Variants in SAMD4A observed in about 807,000 individuals in gnomAD.
The protein encoded by SAMD4A is protein Smaug homolog 1.
In SAMD4A, 33 loss-of-function variants were observed where a neutral mutation model predicts 81.3. The ratio of observed to expected loss-of-function variants is 0.41; its 90% CI spans 0.31 to 0.54. The LOEUF (loss-of-function observed/expected upper bound fraction) is 0.54, where lower values mean the gene tolerates loss of function less well. Ranked by LOEUF, SAMD4A falls within the 20% of genes least tolerant of loss-of-function variation. The probability of loss-of-function intolerance (pLI) is 0.37; values close to 1 mark genes in which losing one functional copy is unlikely to be tolerated. For synonymous variants in SAMD4A, 389 were observed against 382.1 expected (o/e 1.02, Z -0.21); for missense variants, 854 against 951.1 (o/e 0.90, Z 1.34).
chr14:54,740,155 G>A (rs891337142), intron 4 of SAMD4A, among the ~76,000 whole-genome samples: 3 of 152,188 alleles, frequency 2.0e-5, no homozygotes, highest in Admixed American at 6.5e-5. Context: ...GGGCAACAGA[G>A]TGAGTGAGAC....
rs1364790347 is a variant in SAMD4A at position 54,792,877 on chromosome 14, C to T, written c.*3933C>T. The T allele has an allele frequency of 6.6e-6, 1 of 152,142 alleles. No homozygotes were observed. Among genetic ancestry groups the T allele is most frequent in the Non-Finnish European group, 1.5e-5 (1 of 68,028 alleles). The allele number at this position is 152,142 out of a possible 1,614,324, so 9.4% of individuals were successfully genotyped here. On this transcript the variant is annotated 3_prime_UTR_variant, in exon 13 of 13. Coordinates refer to ENST00000554335, the MANE Select transcript of SAMD4A (RefSeq NM_015589.6). The stretch of plus-strand genomic sequence containing the variant: ...ACTTCCTCCCTTATTAATATATAAT[C>T]CTCATGTATTTATGCCTAATGTAAG...
At chr14:54,744,877 A>G (rs1409566708) in intron 4 of SAMD4A, among the ~76,000 whole-genome samples, 1 of 152,150 alleles carries the variant, frequency 6.6e-6, no homozygotes, top group Non-Finnish European at 1.5e-5. Flanking sequence ...TGTATGACCC[A>G]AAGGCATTGA....
chr14:54,774,954 A>C lies in SAMD4A; in HGVS notation c.1736A>C (p.Asn579Thr). 2 of 1,613,602 alleles carry C rather than the reference A, an allele frequency of 1.2e-6. No homozygotes were observed. Among genetic ancestry groups the C allele is most frequent in the East Asian group, 4.5e-5 (2 of 44,848 alleles). The stretch of plus-strand genomic sequence containing the variant: ...CACAGTCGAGGCTTTGGGCAATCCA[A>C]CTCCCTCCCGACGGCTGGCTCTGTG... ...QQRNRGFGQS[N>T]SLPTAGSVGG... The change falls in exon 10 of 13, where the codon AAC becomes ACC. Residue 579 changes from asparagine to threonine, a missense_variant. Physicochemically the swap from Asn to Thr is moderately conservative, Grantham distance 65 (BLOSUM62 0). This residue lies in a region of SAMD4A where 428 missense variants were observed against 471.2 expected (regional missense o/e 0.91). Transcript: ENST00000554335.
intron 2 of SAMD4A, among the ~76,000 whole-genome samples, chr14:54,656,043 A>T (rs939830638): frequency 4.6e-5 from 7 of 152,216 alleles, no homozygotes; most frequent in African/African-American, 1.4e-4. Context: ...AAATATTAAC[A>T]TGTAATGTTA....
chr14:54,636,273 G>C (rs1199417421), intron 2 of SAMD4A, among the ~76,000 whole-genome samples: 2 of 152,172 alleles, frequency 1.3e-5, no homozygotes, highest in Non-Finnish European at 2.9e-5. Flanking sequence ...AGGTTGGGAT[G>C]TACGAGGAGG....
At chr14:54,776,379 G>C in intron 10 of SAMD4A, 35 bp from the exon 11 acceptor site, 2 of 1,582,454 alleles carry the variant, frequency 1.3e-6, no homozygotes, top group Non-Finnish European at 1.7e-6. Flanking sequence ...CAGTGGGGCT[G>C]AACTAACAAG....
intron 2 of SAMD4A, among the ~76,000 whole-genome samples, chr14:54,624,617 C>G (rs751696143): frequency 6.6e-6 from 1 of 152,224 alleles, no homozygotes; most frequent in South Asian, 2.1e-4. Flanking sequence ...TGTCTCCTCT[C>G]TGAGTTGCTT....
At chr14:54,645,103 G>A (rs1040358490) in intron 2 of SAMD4A, among the ~76,000 whole-genome samples, 2 of 152,190 alleles carry the variant, frequency 1.3e-5, no homozygotes, top group African/African-American at 4.8e-5. Flanking sequence ...TCTAACTGGT[G>A]TAGTTTTAAA....
intron 2 of SAMD4A, among the ~76,000 whole-genome samples, chr14:54,659,868 C>T (rs974963285): frequency 2.0e-5 from 3 of 152,166 alleles, no homozygotes; most frequent in Admixed American, 6.5e-5. Flanking sequence ...GGCCTGATGT[C>T]CTCACTGTGG....
rs1231351331 is a variant in SAMD4A, at chr14:54,757,420, TGTG to T, written c.1177-2740_1177-2738del. On this transcript the variant is annotated intron_variant, in intron 6 of 12. Coordinates refer to ENST00000554335, the MANE Select transcript of SAMD4A (RefSeq NM_015589.6). ...GTGTGTGTGTGTGTGTGTGTGTGTG[TGTG>T]TGTGTTTTGTTTTGTTTTGTTTGGT... Among the ~76,000 whole-genome samples, 403 of 146,152 alleles carry T rather than the reference TGTG, an allele frequency of 2.8e-3. 1 individual carries two copies. Among genetic ancestry groups the T allele is most frequent in the African/African-American group, 0.01 (386 of 37,476 alleles).
chr14:54,716,348 GA>G (rs1452202493), intron 3 of SAMD4A, among the ~76,000 whole-genome samples: 3 of 152,134 alleles, frequency 2.0e-5, no homozygotes, highest in African/African-American at 7.2e-5. Flanking sequence ...ACAGAGCCTA[GA>G]AATTAAACTT....
At chr14:54,622,201 T>G (rs2034634222) in intron 2 of SAMD4A, among the ~76,000 whole-genome samples, 1 of 152,220 alleles carries the variant, frequency 6.6e-6, no homozygotes, top group Admixed American at 6.5e-5. Context: ...AATTAGAAAT[T>G]AATCATTTAG....
chr14:54,583,865 A>C (rs1594693554), intron 2 of SAMD4A, among the ~76,000 whole-genome samples: 1 of 152,296 alleles, frequency 6.6e-6, no homozygotes, highest in South Asian at 2.1e-4. Context: ...TTAGAATTTA[A>C]ATGATTTTGG....
rs764106494 is a variant in SAMD4A at position 54,737,176 on chromosome 14, C to A, written c.868C>A (p.Pro290Thr). Reference protein sequence around the residue: ...GPQCLPSDHAPLSPQSSVASS... With the variant: ...GPQCLPSDHATLSPQSSVASS... ...CCAGTGCCTCCCATCCGATCATGCCCCCCTGTCTCCACAAAGCAGTGTAGC... is the reference window on the plus strand; with the variant it reads ...CCAGTGCCTCCCATCCGATCATGCCACCCTGTCTCCACAAAGCAGTGTAGC... Residue 290 changes from proline to threonine, a missense_variant, in exon 4 of 13, where the codon CCC (proline) becomes ACC (threonine). Physicochemically the swap from Pro to Thr is conservative, Grantham distance 38. Transcript: ENST00000554335. 2 of 1,613,946 alleles carry A rather than the reference C, an allele frequency of 1.2e-6. No homozygotes were observed. Among genetic ancestry groups the A allele is most frequent in the African/African-American group, 2.7e-5 (2 of 74,858 alleles).
chr14:54,636,511 A>G (rs2035038970), intron 2 of SAMD4A, among the ~76,000 whole-genome samples: 1 of 152,192 alleles, frequency 6.6e-6, no homozygotes, highest in Non-Finnish European at 1.5e-5. Flanking sequence ...TCTGGCTTCT[A>G]TGTTGAGAAT....
Position 54,774,881 on chromosome 14 carries a change from A to T in SAMD4A, c.1716-53A>T. 1.9e-6 allele frequency: 3 copies of T among 1,592,272 alleles called. 1 individual carries two copies. The South Asian group carries it at 3.3e-5, about 18-fold the overall frequency. On this transcript the variant is annotated intron_variant, in intron 9 of 12. Coordinates refer to ENST00000554335, the MANE Select transcript of SAMD4A (RefSeq NM_015589.6). ...CATCCCTTGGGAAGCCTGTGGCTTAAAAAGGGCTGAATAACGACTGATATT... is the reference window on the plus strand; with the variant it reads ...CATCCCTTGGGAAGCCTGTGGCTTATAAAGGGCTGAATAACGACTGATATT...
chr14:54,731,875 G>A (rs1402035540), intron 3 of SAMD4A, among the ~76,000 whole-genome samples: 1 of 152,176 alleles, frequency 6.6e-6, no homozygotes, highest in African/African-American at 2.4e-5. Context: ...TATTCAAAAG[G>A]AAGTCAAATT....
chr14:54,609,337 C>A (rs2034298823), intron 2 of SAMD4A, among the ~76,000 whole-genome samples: 1 of 152,180 alleles, frequency 6.6e-6, no homozygotes, highest in South Asian at 2.1e-4. Flanking sequence ...TTGGAAGAGG[C>A]AAGGAAAGAG....
intron 2 of SAMD4A, among the ~76,000 whole-genome samples, chr14:54,666,581 A>G (rs1594786906): frequency 1.3e-5 from 2 of 152,208 alleles, no homozygotes; most frequent in African/African-American, 4.8e-5. Flanking sequence ...AGTCAACTGT[A>G]ATTGTTTTTG....
Sources: allele counts gnomAD v4.1 joint callset (sites outside exome capture counted in the v4.1 genomes callset), GRCh38; gene constraint gnomAD v4.1.1; regional missense constraint gnomAD v4.1.1; transcripts MANE v1.5; gene names NCBI Gene and HGNC (gene_info 2026-07-23, HGNC 2026-07-21).